The following SLC35F1 variants were observed in gnomAD, a reference collection of about 807,000 sequenced individuals.
The protein encoded by SLC35F1 is chromosome 6 open reading frame 169.
SLC35F1 carries 14 observed loss-of-function variants against 48.7 expected under a neutral mutation model. The observed-to-expected ratio is 0.29, with a 90% confidence interval of 0.19 to 0.45. The LOEUF (loss-of-function observed/expected upper bound fraction) is 0.45, where lower values mean the gene tolerates loss of function less well. Among genes scored for constraint, SLC35F1 ranks in the 20% least tolerant of loss-of-function variants. The pLI is 1.00. For missense variants in SLC35F1, 404 were observed against 500.0 expected, an observed-to-expected ratio of 0.81 and a Z score of 1.83; for synonymous variants, 190 against 202.2, an observed-to-expected ratio of 0.94 and a Z score of 0.51.
intron 2 of SLC35F1, among the ~76,000 whole-genome samples, chr6:118,230,958 C>G (rs1775285158): frequency 6.6e-6 from 1 of 152,180 alleles, no homozygotes; most frequent in Non-Finnish European, 1.5e-5. Context: ...GAGACCCTGT[C>G]TGAAACAAGC....
intron 1 of SLC35F1, among the ~76,000 whole-genome samples, chr6:118,138,764 A>C (rs1773836675): frequency 6.6e-6 from 1 of 152,094 alleles, no homozygotes; most frequent in Admixed American, 6.6e-5. Flanking sequence ...TTATATCCAA[A>C]ATAATCCATT....
intron 3 of SLC35F1, among the ~76,000 whole-genome samples, chr6:118,262,132 G>C (rs145995075): frequency 1.4e-4 from 21 of 152,294 alleles, no homozygotes; most frequent in African/African-American, 4.8e-4. Flanking sequence ...TACTGGGACA[G>C]CTTCATGACC....
intron 2 of SLC35F1, among the ~76,000 whole-genome samples, chr6:118,155,535 C>T (rs553127477): frequency 6.6e-6 from 1 of 152,308 alleles, no homozygotes; most frequent in South Asian, 2.1e-4. Context: ...AAAAGGCCCT[C>T]ACCAGATGTG....
chr6:118,178,323 C>A (rs1774523072), intron 2 of SLC35F1, among the ~76,000 whole-genome samples: 1 of 152,068 alleles, frequency 6.6e-6, no homozygotes, highest in Non-Finnish European at 1.5e-5. Flanking sequence ...CAACCGCTTG[C>A]CCATGTGTGG....
chr6:118,167,119 C>T (rs374819662), intron 2 of SLC35F1, among the ~76,000 whole-genome samples: 5 of 152,080 alleles, frequency 3.3e-5, no homozygotes, highest in South Asian at 2.1e-4. Flanking sequence ...CACTGTGCTA[C>T]GAGATGCGAA....
chr6:117,912,229 T>C (rs1775772743), intron 1 of SLC35F1, among the ~76,000 whole-genome samples: 1 of 152,236 alleles, frequency 6.6e-6, no homozygotes, highest in African/African-American at 2.4e-5. Context: ...ATGAACTGAT[T>C]TCCAACTTAT....
intron 4 of SLC35F1, among the ~76,000 whole-genome samples, chr6:118,273,834 T>C (rs1775887684): frequency 6.6e-6 from 1 of 152,122 alleles, no homozygotes; most frequent in Admixed American, 6.6e-5. Flanking sequence ...CATTCTCAGC[T>C]CCATTCCCTT....
chr6:118,105,673 T>C (rs1773317254), intron 1 of SLC35F1, among the ~76,000 whole-genome samples: 2 of 152,216 alleles, frequency 1.3e-5, no homozygotes, highest in African/African-American at 2.4e-5. Context: ...TTTCCTTCCA[T>C]CTCTGTATTT....
At chr6:118,010,429 A>T (rs1457250688) in intron 1 of SLC35F1, among the ~76,000 whole-genome samples, 1 of 152,200 alleles carries the variant, frequency 6.6e-6, no homozygotes, top group Non-Finnish European at 1.5e-5. Flanking sequence ...TTCAGAGCTG[A>T]CTAATACATC....
At chr6:118,093,297 C>G (rs994125631) in intron 1 of SLC35F1, among the ~76,000 whole-genome samples, 4 of 151,778 alleles carry the variant, frequency 2.6e-5, no homozygotes, top group Non-Finnish European at 5.9e-5. Context: ...GCCTGGGTGA[C>G]AGAGCGAGAC....
Position 118,314,552 on chromosome 6 carries a change from T to C in SLC35F1, c.*300T>C. On this transcript the variant is annotated 3_prime_UTR_variant, in exon 8 of 8. Coordinates refer to ENST00000360388, the MANE Select transcript of SLC35F1 (RefSeq NM_001029858.4). ...AGTATTATTGTTATTATGATTTGTA[T>C]TATTATTATTGCTGTTACTGTTATT... 1 of 359,016 alleles carries C rather than the reference T, an allele frequency of 2.8e-6. No individual in the cohort carries two copies. Among genetic ancestry groups the C allele is most frequent in the Non-Finnish European group, 5.2e-6 (1 of 192,940 alleles). 22.2% of individuals were successfully genotyped at this position (359,016 alleles called of 1,614,324 possible).
chr6:118,070,958 G>T, intron 1 of SLC35F1, among the ~76,000 whole-genome samples: 1 of 2,388 alleles, frequency 4.2e-4, no homozygotes, highest in African/African-American at 2.3e-3. Context: ...TATATATACT[G>T]TGTATATATA....
At chr6:118,057,359 A>G (rs1008456729) in intron 1 of SLC35F1, among the ~76,000 whole-genome samples, 2 of 152,154 alleles carry the variant, frequency 1.3e-5, no homozygotes, top group Admixed American at 1.3e-4. Flanking sequence ...ACTTCTGCCA[A>G]TCCCAGTCCC....
chr6:117,923,551 T>C (rs1243251387), intron 1 of SLC35F1, among the ~76,000 whole-genome samples: 1 of 128,566 alleles, frequency 7.8e-6, no homozygotes, highest in East Asian at 2.3e-4. Flanking sequence ...GAATGGAAAT[T>C]GACATACATA....
At chr6:118,153,502 A>G (rs937415353) in intron 1 of SLC35F1, among the ~76,000 whole-genome samples, 1 of 152,208 alleles carries the variant, frequency 6.6e-6, no homozygotes, top group African/African-American at 2.4e-5. Context: ...TACTGTTTCT[A>G]TAAATAAACC....
intron 1 of SLC35F1, among the ~76,000 whole-genome samples, chr6:117,945,828 G>T (rs1752296425): frequency 6.6e-6 from 1 of 152,168 alleles, no homozygotes; most frequent in Non-Finnish European, 1.5e-5. Context: ...TTTGGAAAAA[G>T]TGTAAGTTGC....
At chr6:118,044,185 C>G (rs1414895937) in intron 1 of SLC35F1, among the ~76,000 whole-genome samples, 1 of 152,208 alleles carries the variant, frequency 6.6e-6, no homozygotes, top group Non-Finnish European at 1.5e-5. Flanking sequence ...ACTTCTGGAA[C>G]AGATGGCTTA....
chr6:118,032,552 A>G (rs1002690276), intron 1 of SLC35F1, among the ~76,000 whole-genome samples: 3 of 152,108 alleles, frequency 2.0e-5, no homozygotes, highest in African/African-American at 7.2e-5. Context: ...TCCTCTTTGG[A>G]GTAGAAAAAA....
intron 1 of SLC35F1, among the ~76,000 whole-genome samples, chr6:118,152,599 G>A (rs1462836188): frequency 6.6e-6 from 1 of 152,136 alleles, no homozygotes; most frequent in Non-Finnish European, 1.5e-5. Flanking sequence ...TTTCCACATG[G>A]TCTCTCAAAC....
Sources: allele counts gnomAD v4.1 joint callset (sites outside exome capture counted in the v4.1 genomes callset), GRCh38; gene constraint gnomAD v4.1.1; transcripts MANE v1.5; gene names NCBI Gene and HGNC (gene_info 2026-07-23, HGNC 2026-07-21).